COL5A3: variants seen among roughly 807,000 people sequenced by gnomAD.
COL5A3 encodes the protein collagen alpha-3(V) chain.
In COL5A3, 172 loss-of-function variants were observed where a neutral mutation model predicts 250.0. The ratio of observed to expected loss-of-function variants is 0.69; its 90% confidence interval spans 0.61 to 0.78. The LOEUF is 0.78. Ranked by LOEUF, COL5A3 falls within the 30% of genes least tolerant of loss-of-function variation. The probability of loss-of-function intolerance (pLI) is 0.00; values close to 1 mark genes in which losing one functional copy is unlikely to be tolerated. For missense variants in COL5A3, 2,340 were observed against 2,334.4 expected (o/e 1.00, Z -0.05); for synonymous variants, 937 against 900.4 (o/e 1.04, Z -0.73).
At chr19:9,972,396 T>G (rs1393259772) in intron 51 of COL5A3, among the ~76,000 whole-genome samples, 3 of 152,226 alleles carry the variant, frequency 2.0e-5, no homozygotes, top group African/African-American at 4.8e-5. Context: ...CACTGAGTTA[T>G]TCACTTGTCC....
chr19:9,999,149 T>TTCCTTCCTTCCC (rs2087317149), intron 8 of COL5A3, among the ~76,000 whole-genome samples: 1 of 79,812 alleles, frequency 1.3e-5, no homozygotes, highest in African/African-American at 4.8e-5. Flanking sequence ...CCTTCCTTCC[T>TTCCTTCCTTCCC]TCCTTCCTTC....
Position 9,993,951 on chromosome 19 carries a change from G to T in COL5A3, c.1588-145C>A, listed in dbSNP as rs371247023. 1.9e-5 allele frequency: 13 copies of T among 699,338 alleles called. 1 individual carries two copies. The highest frequency in any genetic ancestry group is 5.3e-5 in the East Asian group (2 of 37,538). The allele number at this position is 699,338 out of a possible 1,614,324, so 43.3% of individuals were successfully genotyped here. A position where few individuals can be genotyped will look rare whatever the true frequency, so the allele number is the denominator to read the frequency against. On this transcript the variant is annotated intron_variant, in intron 16 of 66. Coordinates refer to ENST00000264828, the MANE Select transcript of COL5A3 (RefSeq NM_015719.4). ...CACTCAGGTTGGAGTGCAGTGGCAC[G>T]TTCTCAGCTCACTGCAACCTCAGCC...
chr19:9,987,756 G>C (rs1599554208), intron 27 of COL5A3, among the ~76,000 whole-genome samples: 1 of 151,466 alleles, frequency 6.6e-6, no homozygotes, highest in African/African-American at 2.4e-5. Context: ...CCTGTCTCAA[G>C]AATAATAATA....
At chr19:9,992,981 C>T in intron 20 of COL5A3, 42 bp downstream of exon 20, 1 of 1,610,912 alleles carries the variant, frequency 6.2e-7, no homozygotes, top group Non-Finnish European at 8.5e-7. Flanking sequence ...CTGACTCCCT[C>T]CCCTGCACCA....
At chr19:9,969,477 CA>C (rs1316103473) in intron 56 of COL5A3, 75 bp from the exon 57 acceptor site, 3 of 1,588,208 alleles carry the variant, frequency 1.9e-6, no homozygotes, top group Non-Finnish European at 2.6e-6. Flanking sequence ...GACCATGCAC[CA>C]GGGGCAGCCC....
chr19:9,996,242 AG>A lies in COL5A3; in HGVS notation c.1442del (p.Pro481LeufsTer21). 9 of 1,576,080 alleles carry A rather than the reference AG, an allele frequency of 5.7e-6. No individual in the cohort carries two copies. Among genetic ancestry groups the A allele is most frequent in the South Asian group, 1.2e-5 (1 of 85,424 alleles). On this transcript the variant is annotated frameshift_variant, in exon 14 of 67. Coordinates refer to ENST00000264828, the MANE Select transcript of COL5A3 (RefSeq NM_015719.4). LOFTEE classifies it high-confidence loss of function. ...GGCGCCCAGTGAGCCCCACTGGACC[AG>A]GGGGGCCTTTCATAGAGAGCTGGAA... is the stretch of plus-strand genomic sequence containing the variant. Reference protein sequence around the residue: ...QQTQLSMKGPPGPVGLTGRPG... With the variant: ...QQTQLSMKGPXGPVGLTGRPG...
intron 51 of COL5A3, 101 bp from the exon 52 acceptor site, chr19:9,971,359 G>A (rs2086844089): frequency 2.3e-6 from 2 of 875,584 alleles, no homozygotes; most frequent in East Asian, 3.0e-5. Flanking sequence ...GGTTTCTGGG[G>A]ACACATTAGT....
intron 13 of COL5A3, 46 bp from the exon 14 acceptor site, chr19:9,996,308 C>G: frequency 6.5e-7 from 1 of 1,547,452 alleles, no homozygotes; most frequent in Non-Finnish European, 8.7e-7. Context: ...CACAAGACCC[C>G]CAACATTCCC....
intron 4 of COL5A3, 57 bp from the exon 5 acceptor site, chr19:10,004,202 C>G: frequency 7.5e-7 from 1 of 1,335,520 alleles, no homozygotes; most frequent in Non-Finnish European, 1.1e-6. Context: ...TAGGCTTACT[C>G]TGACCCCCTA....
chr19:9,964,169 T>A (rs1317865771), intron 64 of COL5A3, among the ~76,000 whole-genome samples: 1 of 151,574 alleles, frequency 6.6e-6, no homozygotes, highest in Non-Finnish European at 1.5e-5. Flanking sequence ...TGAGACTATG[T>A]CTCAAAAGAA....
At chr19:10,000,336 T>C (rs1325796935) in intron 8 of COL5A3, among the ~76,000 whole-genome samples, 1 of 151,966 alleles carries the variant, frequency 6.6e-6, no homozygotes, top group African/African-American at 2.4e-5. Flanking sequence ...AGTGGTCCAC[T>C]TCTCTGCGTC....
rs752395517 is a variant in COL5A3 at position 10,004,074 on chromosome 19, G to C, written c.666C>G (p.Pro222=). Residue 222 remains proline (P), a synonymous_variant, in exon 5 of 67, where the codon CCC becomes CCG. Coordinates refer to ENST00000264828, the MANE Select transcript of COL5A3 (RefSeq NM_015719.4). The part of the protein sequence containing the change: ...AAFQACERYL[P]DCDNLAPAAT... Reference sequence around the variant, plus strand: ...CTGCCGGTGCCAGGTTGTCACAGTCGGGGAGGTACCGCTCACAAGCCTGGA... The same window carrying C: ...CTGCCGGTGCCAGGTTGTCACAGTCCGGGAGGTACCGCTCACAAGCCTGGA... The C allele has an allele frequency of 1.9e-6, 3 of 1,613,844 alleles. No individual in the cohort carries two copies. Among genetic ancestry groups the C allele is most frequent in the African/African-American group, 1.3e-5 (1 of 74,888 alleles).
intron 51 of COL5A3, 110 bp from the exon 52 acceptor site, chr19:9,971,368 G>T: frequency 1.3e-6 from 1 of 792,870 alleles, no homozygotes; most frequent in Non-Finnish European, 2.0e-6. Context: ...GGACACATTA[G>T]TGAACAAAAC....
chr19:9,973,630 G>A lies in COL5A3; in HGVS notation c.3613-7C>T, dbSNP rs1599538105. 1.9e-6 allele frequency: 3 copies of A among 1,612,382 alleles called. No homozygotes were observed. Among genetic ancestry groups the A allele is most frequent in the East Asian group, 2.2e-5 (1 of 44,868 alleles). ...CAGCGTCCCCTCGCTCACCCTGCAG[G>A]AGGCAAAGTGAGAGTGGGGAGAGGT... On this transcript the variant is annotated splice_polypyrimidine_tract_variant and splice_region_variant and intron_variant, in intron 49 of 66. Coordinates refer to ENST00000264828, the MANE Select transcript of COL5A3 (RefSeq NM_015719.4).
rs369211446 is a variant in COL5A3 at position 9,998,044 on chromosome 19, G to A, written c.1159-19C>T. The A allele has an allele frequency of 2.9e-5, 46 of 1,613,936 alleles. No homozygotes were observed. The highest frequency in any genetic ancestry group is 3.2e-5 in the Non-Finnish European group (38 of 1,180,006). Reference sequence around the variant, plus strand: ...GCTGCCCCTGAAGGGAGAAGTGAGTGTCGGTGACCGCTGTCATCATGAAGC... The same window carrying A: ...GCTGCCCCTGAAGGGAGAAGTGAGTATCGGTGACCGCTGTCATCATGAAGC... On this transcript the variant is annotated intron_variant, in intron 9 of 66. Coordinates refer to ENST00000264828, the MANE Select transcript of COL5A3 (RefSeq NM_015719.4).
At position 9,970,638 on chromosome 19, in the gene COL5A3, C is replaced by T. The variant is rs2086832149; in HGVS notation, c.3920G>A (p.Gly1307Glu). The T allele has an allele frequency of 1.4e-6, 2 of 1,452,068 alleles. No individual in the cohort carries two copies. Among genetic ancestry groups the T allele is most frequent in the Non-Finnish European group, 1.8e-6 (2 of 1,103,808 alleles). The allele number at this position is 1,452,068 out of a possible 1,614,324, so 89.9% of individuals were successfully genotyped here. ...ATCACTTACCCTCTTGCCGGGGGGC[C>T]CGGGGGCGCCGGGCTCCCCAGAAGC... ...PGASGEPGAP[G>E]PPGKRGPSGH... Residue 1307 changes from glycine (G) to glutamate (E), a missense_variant, in exon 54 of 67, where the codon GGG (glycine) becomes GAG (glutamate). Gly to Glu is a moderately conservative substitution (Grantham distance 98). Around this residue, in one of 3 missense-constraint regions of COL5A3, gnomAD observed 1,179 missense variants for 1,162.6 expected, o/e 1.01. Coordinates refer to ENST00000264828, the MANE Select transcript of COL5A3 (RefSeq NM_015719.4).
Position 9,986,339 on chromosome 19 carries a change from C to A in COL5A3, c.2328G>T (p.Gly776=). Residue 776 remains glycine, a synonymous_variant, in exon 30 of 67, where the codon GGG becomes GGT. Transcript: ENST00000264828. ...KGQAGQAGEE[G]PPGSAGEKGK... ...CCTTCTCCCCAGCTGAGCCTGGGGGCCCCTCCTCGCCAGCCTGCCCCGCCT... is the reference window on the plus strand; with the variant it reads ...CCTTCTCCCCAGCTGAGCCTGGGGGACCCTCCTCGCCAGCCTGCCCCGCCT... The A allele has an allele frequency of 6.3e-7, 1 of 1,583,896 alleles. No individual in the cohort carries two copies. Among genetic ancestry groups the A allele is most frequent in the Non-Finnish European group, 8.5e-7 (1 of 1,171,494 alleles).
chr19:9,968,994 A>T lies in COL5A3; in HGVS notation c.4153-266T>A. On this transcript the variant is annotated intron_variant, in intron 57 of 66. Transcript: ENST00000264828. The surrounding 1 kb of genome is among the most constrained non-coding windows in gnomAD (Gnocchi z 4.1). ...GACCATTAAGATGGAGAGTCAGTGC[A>T]GGCATCAAGATGAAGGGTCAGTGTG... 5.1e-6 allele frequency: 3 copies of T among 588,378 alleles called. No individual in the cohort carries two copies. In the South Asian group the frequency reaches 6.4e-5, roughly 13 times the overall value. 36.4% of individuals were successfully genotyped at this position (588,378 alleles called of 1,614,324 possible).
chr19:9,985,194 G>A (rs1006506954), intron 31 of COL5A3, among the ~76,000 whole-genome samples: 12 of 150,402 alleles, frequency 8.0e-5, no homozygotes, highest in East Asian at 2.0e-4. Context: ...CAAGTGATCC[G>A]CCTGCCTCTG....
Sources: gnomAD v4.1 joint callset for allele counts (sites outside exome capture counted in the v4.1 genomes callset) on GRCh38, gnomAD v4.1.1 for gene constraint, gnomAD v4.1.1 regional missense constraint, Gnocchi (gnomAD v3.1) non-coding constraint, MANE v1.5 for transcripts, NCBI Gene and HGNC (gene_info 2026-07-23, HGNC 2026-07-21) for gene names.